The following NLGN4Y variants were observed in gnomAD, a reference collection of about 807,000 sequenced individuals.
NLGN4Y encodes the protein neuroligin 4 Y-linked, also known as neuroligin-4, Y-linked.
NLGN4Y carries 4 observed loss-of-function variants against 8.4 expected under a neutral mutation model. The ratio of observed to expected loss-of-function variants is 0.48; its 90% CI spans 0.23 to 1.09. The LOEUF (loss-of-function observed/expected upper bound fraction) is 1.09, where lower values mean the gene tolerates loss of function less well. Among genes scored for constraint, NLGN4Y ranks in the 50% least tolerant of loss-of-function variants. NLGN4Y has a pLI of 0.19. For missense variants in NLGN4Y, 90 were observed against 192.3 expected, an observed-to-expected ratio of 0.47 and a Z score of 3.15; for synonymous variants, 35 against 75.6, an observed-to-expected ratio of 0.46 and a Z score of 2.78.
chrY:14,644,576 T>A, intron 2 of NLGN4Y, among the ~76,000 whole-genome samples: 1 of 33,219 alleles, frequency 3.0e-5, no homozygotes. Context: ...CAGTCATCAG[T>A]GGAACTAGAG....
chrY:14,707,091 G>GTATA (rs1460684278), intron 2 of NLGN4Y, among the ~76,000 whole-genome samples: 26 of 3,883 alleles, frequency 6.7e-3, no homozygotes, highest in Non-Finnish European at 8.8e-3. Flanking sequence ...AATTTTATGT[G>GTATA]TATATATATA....
chrY:14,590,311 C>A, intron 1 of NLGN4Y, among the ~76,000 whole-genome samples: 1 of 34,107 alleles, frequency 2.9e-5, no homozygotes, highest in African/African-American at 1.1e-4. Context: ...CGAGAGCCAG[C>A]GAGGGCTCTG....
intron 2 of NLGN4Y, among the ~76,000 whole-genome samples, chrY:14,698,389 GTA>G (rs771492385): frequency 8.0e-3 from 270 of 33,585 alleles, no homozygotes; most frequent in African/African-American, 0.029. Context: ...TAGAGTTGTT[GTA>G]TTTAGGAGAC....
chrY:14,584,241 C>T, intron 1 of NLGN4Y, among the ~76,000 whole-genome samples: 1 of 33,580 alleles, frequency 3.0e-5, no homozygotes. Context: ...CATTCTCCCA[C>T]CTCAGCCTCC....
intron 1 of NLGN4Y, among the ~76,000 whole-genome samples, chrY:14,567,108 T>C (rs2080254306): frequency 3.0e-5 from 1 of 33,637 alleles, no homozygotes; most frequent in South Asian, 6.5e-4. Flanking sequence ...GATATATGTG[T>C]TATTTTGTTT....
chrY:14,622,173 T>A lies in NLGN4Y; in HGVS notation c.54T>A (p.Cys18Ter). 1 of 399,023 alleles carries A rather than the reference T, an allele frequency of 2.5e-6. No homozygotes were observed. The highest frequency in any genetic ancestry group is 3.5e-6 in the Non-Finnish European group (1 of 283,504). ...TCCCTTTGTTGTTCACCTCTGTCTGTGTCATGTTAAACTCCAATGTTCTTC... is the reference window on the plus strand; with the variant it reads ...TCCCTTTGTTGTTCACCTCTGTCTGAGTCATGTTAAACTCCAATGTTCTTC... The part of the protein sequence containing the change: ...LWLPLLFTSV[C>*]VMLNSNVLLW... The change falls in exon 2 of 7, where the codon TGT becomes TGA. Residue 18 changes from cysteine to a stop codon, truncating the protein, a stop_gained. Coordinates refer to ENST00000684976, the MANE Select transcript of NLGN4Y (RefSeq NM_001365588.1). LOFTEE classifies it high-confidence loss of function.
chrY:14,586,270 G>T, intron 1 of NLGN4Y, among the ~76,000 whole-genome samples: 2 of 33,423 alleles, frequency 6.0e-5, no homozygotes, highest in Admixed American at 2.7e-4. Flanking sequence ...TGCACTGTAA[G>T]AAGCACATGA....
At position 14,622,409 on chromosome Y, in the gene NLGN4Y, G is replaced by T; in HGVS notation, c.290G>T (p.Trp97Leu). ...CAGCCACCAGAATCCCCATCCTCCTGGACTGGCATCCGAAATGCTACTCAG... is the reference window on the plus strand; with the variant it reads ...CAGCCACCAGAATCCCCATCCTCCTTGACTGGCATCCGAAATGCTACTCAG... ...RFQPPESPSSWTGIRNATQFS... is the reference protein window; with the variant it reads ...RFQPPESPSSLTGIRNATQFS... Residue 97 changes from tryptophan (W) to leucine (L), a missense_variant, in exon 2 of 7, where the codon TGG (tryptophan) becomes TTG (leucine). Trp to Leu is a moderately conservative substitution (Grantham distance 61). This residue lies in a region of NLGN4Y where 37 missense variants were observed against 38.5 expected (regional missense o/e 0.96). Coordinates refer to ENST00000684976, the MANE Select transcript of NLGN4Y (RefSeq NM_001365588.1). 12 of 397,479 alleles carry T rather than the reference G, an allele frequency of 3.0e-5. No individual in the cohort carries two copies. Among genetic ancestry groups the T allele is most frequent in the Non-Finnish European group, 4.2e-5 (12 of 283,419 alleles).
chrY:14,629,747 G>T, intron 2 of NLGN4Y, among the ~76,000 whole-genome samples: 1 of 33,381 alleles, frequency 3.0e-5, no homozygotes, highest in African/African-American at 1.2e-4. Flanking sequence ...CTCAGTTGAC[G>T]CAATAGTAAG....
intron 1 of NLGN4Y, among the ~76,000 whole-genome samples, chrY:14,597,627 G>A (rs2080407686): frequency 6.0e-5 from 2 of 33,260 alleles, no homozygotes; most frequent in South Asian, 6.9e-4. Context: ...GCTGATTGGT[G>A]TATTTACAAT....
chrY:14,579,742 C>T, intron 1 of NLGN4Y, among the ~76,000 whole-genome samples: 2 of 32,111 alleles, frequency 6.2e-5, no homozygotes, highest in African/African-American at 2.5e-4. Context: ...CAAACAAACA[C>T]GGGGCAAATA....
chrY:14,671,730 C>T, intron 2 of NLGN4Y, among the ~76,000 whole-genome samples: 3 of 30,506 alleles, frequency 9.8e-5, no homozygotes, highest in East Asian at 8.6e-4. Context: ...CCTGTAATCC[C>T]GGCTACACAG....
intron 1 of NLGN4Y, among the ~76,000 whole-genome samples, chrY:14,558,214 A>C: frequency 3.0e-5 from 1 of 33,179 alleles, no homozygotes; most frequent in Admixed American, 2.8e-4. Context: ...CATGCTGCAA[A>C]CACTTTAACT....
intron 4 of NLGN4Y, among the ~76,000 whole-genome samples, chrY:14,733,931 T>C: frequency 3.0e-5 from 1 of 33,308 alleles, no homozygotes; most frequent in Non-Finnish European, 7.4e-5. Flanking sequence ...AGTGTCCCTT[T>C]ATCTTTGCCA....
At chrY:14,574,785 G>A (rs2080290697) in intron 1 of NLGN4Y, among the ~76,000 whole-genome samples, 1 of 33,343 alleles carries the variant, frequency 3.0e-5, no homozygotes, top group Non-Finnish European at 7.4e-5. Flanking sequence ...GGGCAGGCCT[G>A]GTGGTGACAA....
intron 4 of NLGN4Y, among the ~76,000 whole-genome samples, chrY:14,735,825 G>C: frequency 3.0e-5 from 1 of 33,737 alleles, no homozygotes; most frequent in African/African-American, 1.2e-4. Context: ...AGAGAAGCTT[G>C]TTGGGAACTG....
intron 4 of NLGN4Y, among the ~76,000 whole-genome samples, chrY:14,769,710 C>T: frequency 3.1e-5 from 1 of 32,528 alleles, no homozygotes; most frequent in African/African-American, 1.2e-4. Context: ...ACCATTTACT[C>T]TCCTGGAAAG....
At chrY:14,596,871 G>A (rs1038461945) in intron 1 of NLGN4Y, among the ~76,000 whole-genome samples, 7 of 33,029 alleles carry the variant, frequency 2.1e-4, no homozygotes, top group South Asian at 6.9e-4. Flanking sequence ...TTGTCTCACC[G>A]CTTGGCAATA....
intron 1 of NLGN4Y, among the ~76,000 whole-genome samples, chrY:14,562,998 A>C: frequency 5.9e-5 from 2 of 33,735 alleles, no homozygotes; most frequent in Admixed American, 2.7e-4. Context: ...AAACAGAGAC[A>C]ATCTGACTCC....
Sources: allele counts gnomAD v4.1 joint callset (sites outside exome capture counted in the v4.1 genomes callset), GRCh38; gene constraint gnomAD v4.1.1; regional missense constraint gnomAD v4.1.1; transcripts MANE v1.5; gene names NCBI Gene and HGNC (gene_info 2026-07-23, HGNC 2026-07-21).